Variants in IQCK observed in about 807,000 individuals in gnomAD.
IQCK encodes the protein IQ domain-containing protein K.
IQCK carries 29 observed loss-of-function variants against 28.1 expected under a neutral mutation model. The ratio of observed to expected loss-of-function variants is 1.03; its 90% confidence interval spans 0.77 to 1.41. The LOEUF (loss-of-function observed/expected upper bound fraction) is 1.41, where lower values mean the gene tolerates loss of function less well. IQCK is among the 40% of genes most tolerant of loss of function. IQCK has a pLI of 0.00. For missense variants in IQCK, 359 were observed against 314.7 expected, an observed-to-expected ratio of 1.14 and a Z score of -1.07; for synonymous variants, 113 against 115.1, an observed-to-expected ratio of 0.98 and a Z score of 0.12.
At chr16:19,747,685 A>G (rs4782279) in intron 4 of IQCK, among the ~76,000 whole-genome samples, 1 of 151,760 alleles carries the variant, frequency 6.6e-6, no homozygotes. Context: ...ATTCCACTCT[A>G]TCCATCTGTG....
At chr16:19,815,958 A>T (rs1050822834) in intron 7 of IQCK, among the ~76,000 whole-genome samples, 1 of 152,216 alleles carries the variant, frequency 6.6e-6, no homozygotes, top group Non-Finnish European at 1.5e-5. Flanking sequence ...ATTAGCAAAG[A>T]TGTATTAAGA....
At chr16:19,847,143 A>G (rs2040733) in intron 9 of IQCK, among the ~76,000 whole-genome samples, 1 of 152,202 alleles carries the variant, frequency 6.6e-6, no homozygotes, top group Non-Finnish European at 1.5e-5. Context: ...GGAGAATTGT[A>G]TGAGATAATT....
At position 19,845,942 on chromosome 16, in the gene IQCK, G is replaced by A. The variant is rs1028956944; in HGVS notation, c.803-10545G>A. 2.6e-5 allele frequency among the ~76,000 whole-genome samples: 4 copies of A among 152,186 alleles called. No homozygotes were observed. The South Asian group carries it at 8.3e-4, about 32-fold the overall frequency. On this transcript the variant is annotated intron_variant, in intron 9 of 9. Transcript: ENST00000320394. Reference sequence around the variant, plus strand: ...ACACAAAAAATTAGCCAGGCGTGGTGGTGCATACCTGTGGTCCCAGTTACT... The same window carrying A: ...ACACAAAAAATTAGCCAGGCGTGGTAGTGCATACCTGTGGTCCCAGTTACT...
intron 9 of IQCK, among the ~76,000 whole-genome samples, chr16:19,842,147 C>G (rs1001359116): frequency 2.6e-5 from 4 of 152,128 alleles, no homozygotes; most frequent in African/African-American, 9.7e-5. Context: ...CACCCGGCCC[C>G]ATATCATTTT....
intron 9 of IQCK, among the ~76,000 whole-genome samples, chr16:19,854,593 A>G (rs1043338071): frequency 1.3e-5 from 2 of 152,258 alleles, no homozygotes; most frequent in African/African-American, 2.4e-5. Flanking sequence ...GTCTGAAGTT[A>G]TGCCTGATGC....
intron 6 of IQCK, among the ~76,000 whole-genome samples, chr16:19,780,685 A>G (rs1456287356): frequency 3.9e-5 from 6 of 152,232 alleles, no homozygotes; most frequent in Non-Finnish European, 2.9e-5. Context: ...TAGTTTCCAT[A>G]GTATCTGTGA....
intron 2 of IQCK, among the ~76,000 whole-genome samples, chr16:19,731,076 C>T (rs1429660815): frequency 6.6e-6 from 1 of 152,168 alleles, no homozygotes; most frequent in African/African-American, 2.4e-5. Context: ...ACTCACAGGG[C>T]TTCTGTGGGG....
intron 9 of IQCK, among the ~76,000 whole-genome samples, chr16:19,835,587 C>CTTTTTTTTTTTTTTTTT (rs372317479): frequency 7.2e-6 from 1 of 138,940 alleles, no homozygotes; most frequent in African/African-American, 2.7e-5. Flanking sequence ...CTTTTCTTTT[C>CTTTTTTTTTTTTTTTTT]TTTTTTTTTT....
intron 6 of IQCK, among the ~76,000 whole-genome samples, chr16:19,774,161 C>T (rs1054281308): frequency 2.6e-5 from 4 of 152,038 alleles, no homozygotes; most frequent in African/African-American, 9.7e-5. Context: ...CTTGGAAGCA[C>T]TAGAATCACA....
At chr16:19,733,774 T>A in exon 3 of IQCK, 1 of 1,614,198 alleles carries the variant, frequency 6.2e-7, no homozygotes, top group Non-Finnish European at 8.5e-7. Context: ...TTCACCATGA[T>A]CTCACGTACA....
At chr16:19,836,091 TC>T (rs2056292978) in intron 9 of IQCK, among the ~76,000 whole-genome samples, 1 of 152,244 alleles carries the variant, frequency 6.6e-6, no homozygotes, top group South Asian at 2.1e-4. Context: ...AAATGAGAAT[TC>T]TTATGCCTTA....
rs543791043 is a variant in IQCK at position 19,756,071 on chromosome 16, C to T, written c.475-7777C>T. On this transcript the variant is annotated intron_variant, in intron 4 of 7. Transcript: ENST00000564186. ...TGGTGTTGCATACCTGTAGTCCCAGCTACCTGGGGGGCTGAGGCAGGAGGA... is the reference window on the plus strand; with the variant it reads ...TGGTGTTGCATACCTGTAGTCCCAGTTACCTGGGGGGCTGAGGCAGGAGGA... Among the ~76,000 whole-genome samples, 23 of 152,314 alleles carry T rather than the reference C, an allele frequency of 1.5e-4. No homozygotes were observed. The Middle Eastern group carries it at 0.014, about 90-fold the overall frequency.
At chr16:19,844,274 T>A (rs530212394) in intron 9 of IQCK, among the ~76,000 whole-genome samples, 76 of 152,264 alleles carry the variant, frequency 5.0e-4, no homozygotes, top group African/African-American at 1.6e-3. Context: ...GTGACAGGGT[T>A]TCACTATGTT....
intron 1 of IQCK, among the ~76,000 whole-genome samples, chr16:19,721,762 GA>G (rs1977502818): frequency 1.3e-5 from 2 of 151,912 alleles, no homozygotes; most frequent in Non-Finnish European, 2.9e-5. Flanking sequence ...ATTTTTTGTA[GA>G]GATGGGGTTT....
intron 6 of IQCK, among the ~76,000 whole-genome samples, chr16:19,777,921 T>C (rs1196195143): frequency 6.6e-6 from 1 of 152,080 alleles, no homozygotes; most frequent in Non-Finnish European, 1.5e-5. Context: ...GGCGTGGTGG[T>C]GCACACCTGT....
At chr16:19,778,959 C>T (rs2055436810) in intron 6 of IQCK, among the ~76,000 whole-genome samples, 1 of 152,060 alleles carries the variant, frequency 6.6e-6, no homozygotes, top group Admixed American at 6.6e-5. Context: ...GAGAAATTAC[C>T]ACAAAGTTGG....
At chr16:19,751,372 G>A (rs2054984561) in intron 4 of IQCK, among the ~76,000 whole-genome samples, 1 of 152,112 alleles carries the variant, frequency 6.6e-6, no homozygotes. Flanking sequence ...CCAGCACTCG[G>A]GAGGCTGAGG....
intron 4 of IQCK, among the ~76,000 whole-genome samples, chr16:19,748,981 T>G (rs1206126478): frequency 6.6e-6 from 1 of 152,194 alleles, no homozygotes; most frequent in Non-Finnish European, 1.5e-5. Context: ...GGAAGCCATT[T>G]TTTAAAGAAT....
At chr16:19,837,838 A>C (rs1190461748) in intron 9 of IQCK, among the ~76,000 whole-genome samples, 1 of 152,200 alleles carries the variant, frequency 6.6e-6, no homozygotes, top group Non-Finnish European at 1.5e-5. Flanking sequence ...CACATCAGCA[A>C]AGCCCTAATA....
Sources: gnomAD v4.1 joint callset for allele counts (sites outside exome capture counted in the v4.1 genomes callset) on GRCh38, gnomAD v4.1.1 for gene constraint, MANE v1.5 for transcripts, NCBI Gene and HGNC (gene_info 2026-07-23, HGNC 2026-07-21) for gene names.